WDR12: variants seen among roughly 807,000 people sequenced by gnomAD.
WDR12 encodes WD repeat domain 12, also known as ribosome biogenesis protein WDR12.
A neutral mutation model predicts 64.3 loss-of-function variants in WDR12; 42 were observed. The observed-to-expected ratio is 0.65, with a 90% CI of 0.51 to 0.84. The LOEUF (loss-of-function observed/expected upper bound fraction) is 0.84, where lower values mean the gene tolerates loss of function less well. Ranked by LOEUF, WDR12 falls within the 40% of genes least tolerant of loss-of-function variation. The pLI, the probability that WDR12 is intolerant of heterozygous loss-of-function variation, is 0.00. For missense variants in WDR12, 469 were observed against 494.6 expected, an observed-to-expected ratio of 0.95 and a Z score of 0.49; for synonymous variants, 158 against 173.3, an observed-to-expected ratio of 0.91 and a Z score of 0.70.
At position 202,892,636 on chromosome 2, in the gene WDR12, T is replaced by C. The variant is rs113442090; in HGVS notation, c.722A>G (p.Glu241Gly). The change falls in exon 8 of 13, where the codon GAA (glutamate) becomes GGA (glycine). Residue 241 changes from glutamate (E) to glycine (G), a missense_variant. Glu to Gly is a moderately conservative substitution (Grantham distance 98). Coordinates refer to ENST00000261015, the MANE Select transcript of WDR12 (RefSeq NM_018256.4). ...TNRPRKKQKT[E>G]QLGLTRTPIV... ...ACTGACCCTTGTTAGTCCCAACTGT[T>C]CTGTCTTCTGTTTCTTTCTTGGTCG... is the stretch of plus-strand genomic sequence containing the variant. 3.1e-6 allele frequency: 5 copies of C among 1,613,228 alleles called. No homozygotes were observed. The highest frequency in any genetic ancestry group is 4.2e-6 in the Non-Finnish European group (5 of 1,179,404).
intron 5 of WDR12, 87 bp from the exon 6 acceptor site, chr2:202,896,306 T>G: frequency 7.2e-7 from 1 of 1,385,282 alleles, no homozygotes; most frequent in Non-Finnish European, 9.6e-7. Flanking sequence ...ACTAAATTTT[T>G]TTGTTGTTAT....
chr2:202,910,198 C>T (rs1688542109), intron 1 of WDR12, among the ~76,000 whole-genome samples: 1 of 152,084 alleles, frequency 6.6e-6, no homozygotes, highest in Non-Finnish European at 1.5e-5. Context: ...ACACAGTGGC[C>T]TATTATCTCT....
At chr2:202,892,764 A>G in intron 7 of WDR12, 62 bp from the exon 8 acceptor site, 2 of 1,200,010 alleles carry the variant, frequency 1.7e-6, no homozygotes, top group South Asian at 1.4e-5. Context: ...ACTGTCTGAA[A>G]GAATTCTTTA....
rs767330509 is a variant in WDR12, at chr2:202,901,008, T to C, written c.231+17A>G. 1 of 1,560,792 alleles carries C rather than the reference T, an allele frequency of 6.4e-7. No individual in the cohort carries two copies. The highest frequency in any genetic ancestry group is 1.2e-5 in the South Asian group (1 of 83,378). Reference sequence around the variant, plus strand: ...AATGCCTCAAGTGAAATACAGAAGATAAGAATTTGAACTTACTGATGAGAT... The same window carrying C: ...AATGCCTCAAGTGAAATACAGAAGACAAGAATTTGAACTTACTGATGAGAT... On this transcript the variant is annotated intron_variant, in intron 3 of 12. Transcript: ENST00000261015.
At chr2:202,899,295 C>T (rs559282839) in intron 4 of WDR12, among the ~76,000 whole-genome samples, 40 of 152,092 alleles carry the variant, frequency 2.6e-4, no homozygotes, top group Middle Eastern at 3.4e-3. Context: ...CCACCCTCCT[C>T]GGCCTCCCAA....
intron 12 of WDR12, 102 bp from the exon 13 acceptor site, chr2:202,881,039 G>C (rs937531063): frequency 1.1e-5 from 11 of 1,034,464 alleles, no homozygotes; most frequent in Non-Finnish European, 9.4e-6. Flanking sequence ...ATTACAAAAG[G>C]AATTATGGGT....
chr2:202,882,363 C>A (rs150119033), intron 12 of WDR12, among the ~76,000 whole-genome samples: 1 of 151,554 alleles, frequency 6.6e-6, no homozygotes, highest in African/African-American at 2.4e-5. Flanking sequence ...GAGATGGAGT[C>A]TATCTCCCAG....
chr2:202,910,050 C>G (rs937687833), intron 1 of WDR12, among the ~76,000 whole-genome samples: 3 of 152,128 alleles, frequency 2.0e-5, no homozygotes, highest in Admixed American at 6.6e-5. Context: ...CGTTCCTCAG[C>G]CTCCCAGACT....
At chr2:202,898,138 T>C (rs1176074719) in intron 4 of WDR12, among the ~76,000 whole-genome samples, 1 of 151,506 alleles carries the variant, frequency 6.6e-6, no homozygotes, top group African/African-American at 2.4e-5. Context: ...AGATAAGGAA[T>C]ACCCAACCTG....
At chr2:202,905,171 A>C (rs1441756786) in intron 2 of WDR12, among the ~76,000 whole-genome samples, 2 of 152,202 alleles carry the variant, frequency 1.3e-5, no homozygotes, top group Admixed American at 6.5e-5. Flanking sequence ...CCCAAGACGG[A>C]GTCCTGCTCT....
intron 2 of WDR12, among the ~76,000 whole-genome samples, chr2:202,902,985 A>G (rs1688376422): frequency 6.6e-6 from 1 of 152,188 alleles, no homozygotes; most frequent in Non-Finnish European, 1.5e-5. Flanking sequence ...AGGCTGAAGC[A>G]GGAGAATTGC....
intron 2 of WDR12, among the ~76,000 whole-genome samples, chr2:202,906,410 C>G (rs568707451): frequency 2.8e-4 from 43 of 152,228 alleles, no homozygotes; most frequent in African/African-American, 9.1e-4. Flanking sequence ...TAAAGTTGCT[C>G]AAAAACATCA....
At chr2:202,903,116 T>C (rs980353235) in intron 2 of WDR12, among the ~76,000 whole-genome samples, 1 of 152,074 alleles carries the variant, frequency 6.6e-6, no homozygotes, top group Admixed American at 6.6e-5. Flanking sequence ...CTCTTTCATA[T>C]ATACATCTAT....
intron 3 of WDR12, among the ~76,000 whole-genome samples, chr2:202,900,018 T>TGG (rs772050545): frequency 7.9e-5 from 12 of 151,390 alleles, no homozygotes; most frequent in Admixed American, 7.2e-4. Flanking sequence ...ATGCTGCAAA[T>TGG]GGGGGGGAAA....
intron 8 of WDR12, among the ~76,000 whole-genome samples, chr2:202,885,637 T>A (rs1042583289): frequency 1.3e-5 from 2 of 152,220 alleles, no homozygotes; most frequent in Non-Finnish European, 2.9e-5. Context: ...AGTCCTATTA[T>A]TTAATCTTTA....
At chr2:202,889,653 G>A (rs143902972) in intron 8 of WDR12, among the ~76,000 whole-genome samples, 112 of 152,018 alleles carry the variant, frequency 7.4e-4, no homozygotes, top group Middle Eastern at 3.4e-3. Context: ...GGTAGCTCAC[G>A]CCCGTAATCC....
chr2:202,877,330 T>C lies in WDR12; in HGVS notation c.*3530A>G, dbSNP rs1166804374. On this transcript the variant is annotated 3_prime_UTR_variant, in exon 13 of 13. Transcript: ENST00000261015. ...CTATGTTTTTCTACAAAGGCCCCAC[T>C]ATGCCTGGCCAAGTAATTTCTTAAA... The C allele has an allele frequency of 2.0e-5, 3 of 152,166 alleles. No individual in the cohort carries two copies. The highest frequency in any genetic ancestry group is 4.4e-5 in the Non-Finnish European group (3 of 68,014). The allele number at this position is 152,166 out of a possible 1,614,324, so 9.4% of individuals were successfully genotyped here.
In WDR12 at chr2:202,896,115, C is replaced by A; in HGVS notation, c.559G>T (p.Gly187Cys). ...NKVKALHCCR[G>C]HAGSVDSIAV... Reference sequence around the variant, plus strand: ...ATAGAATCTACACTTCCAGCATGACCTCTACAGCAGTGTAGGGCTTTCACT... The same window carrying A: ...ATAGAATCTACACTTCCAGCATGACATCTACAGCAGTGTAGGGCTTTCACT... Residue 187 changes from glycine (G) to cysteine (C), a missense_variant, in exon 6 of 13, where the codon GGT becomes TGT. Coordinates refer to ENST00000261015, the MANE Select transcript of WDR12 (RefSeq NM_018256.4). 1.2e-6 allele frequency: 2 copies of A among 1,614,148 alleles called. No homozygotes were observed. The highest frequency in any genetic ancestry group is 1.1e-5 in the South Asian group (1 of 91,084).
At chr2:202,890,791 T>G (rs1320421265) in intron 8 of WDR12, among the ~76,000 whole-genome samples, 2 of 150,264 alleles carry the variant, frequency 1.3e-5, no homozygotes, top group African/African-American at 2.5e-5. Flanking sequence ...AAAAAATTTT[T>G]TTTTTCATTG....
Sources: gnomAD v4.1 joint callset for allele counts (sites outside exome capture counted in the v4.1 genomes callset) on GRCh38, gnomAD v4.1.1 for gene constraint, MANE v1.5 for transcripts, NCBI Gene and HGNC (gene_info 2026-07-23, HGNC 2026-07-21) for gene names.